The following TSNARE1 variants were observed in gnomAD, a reference collection of about 807,000 sequenced individuals.
TSNARE1 encodes the protein t-SNARE domain containing 1, also known as t-SNARE domain-containing protein 1.
A neutral mutation model predicts 62.0 loss-of-function variants in TSNARE1; 49 were observed. The observed-to-expected ratio is 0.79, with a 90% confidence interval of 0.63 to 1.00. The LOEUF (loss-of-function observed/expected upper bound fraction) is 1.00, where lower values mean the gene tolerates loss of function less well. TSNARE1 is among the 50% of genes least tolerant of loss of function. TSNARE1 has a pLI of 0.00. For synonymous variants in TSNARE1, 328 were observed against 294.4 expected (o/e 1.11, Z -1.17); for missense variants, 755 against 700.1 (o/e 1.08, Z -0.88).
At position 142,352,247 on chromosome 8, in the gene TSNARE1, C is replaced by T. The variant is rs550623118; in HGVS notation, c.88+2390G>A. On this transcript the variant is annotated intron_variant, in intron 2 of 13. Coordinates refer to ENST00000524325, the MANE Select transcript of TSNARE1 (RefSeq NM_145003.5). ...AAAGCAGACAAACAGTGCTCACTGGCAGGAAGACCCACATGCCCAATAAAC... is the reference window on the plus strand; with the variant it reads ...AAAGCAGACAAACAGTGCTCACTGGTAGGAAGACCCACATGCCCAATAAAC... Among the ~76,000 whole-genome samples, 5 of 152,340 alleles carry T rather than the reference C, an allele frequency of 3.3e-5. No homozygotes were observed. In the East Asian group the frequency reaches 9.7e-4, roughly 29 times the overall value.
chr8:142,222,472 C>CCACT (rs1431020049), intron 13 of TSNARE1, among the ~76,000 whole-genome samples: 2 of 34,102 alleles, frequency 5.9e-5, no homozygotes, highest in Non-Finnish European at 1.2e-4. Context: ...ATCCACTCAT[C>CCACT]CACTCACTCA....
At chr8:142,265,159 A>G (rs967096066) in intron 12 of TSNARE1, among the ~76,000 whole-genome samples, 1 of 139,162 alleles carries the variant, frequency 7.2e-6, no homozygotes, top group Non-Finnish European at 1.6e-5. Context: ...ATTTTATCAC[A>G]TATGTAGATT....
rs867982859 is a variant in TSNARE1, at chr8:142,349,242, T to C, written c.89-3350A>G. ...AACTGGAAAAAAGTACATCTGAAAA[T>C]GATGAAGTAAACTTCCAAGTAATTC... On this transcript the variant is annotated intron_variant, in intron 2 of 13. Coordinates refer to ENST00000524325, the MANE Select transcript of TSNARE1 (RefSeq NM_145003.5). Among the ~76,000 whole-genome samples, 9 of 152,120 alleles carry C rather than the reference T, an allele frequency of 5.9e-5. No individual in the cohort carries two copies. The South Asian group carries it at 6.2e-4, about 11-fold the overall frequency.
Position 142,343,337 on chromosome 8 carries a change from C to T in TSNARE1, c.745+629G>A, listed in dbSNP as rs150820548. On this transcript the variant is annotated intron_variant, in intron 4 of 13. Transcript: ENST00000524325. ...GTCAGAAAACCAGTTTAGTAAGTTGCAATCAGCTTTTTCTTTCATGAGTAG... is the reference window on the plus strand; with the variant it reads ...GTCAGAAAACCAGTTTAGTAAGTTGTAATCAGCTTTTTCTTTCATGAGTAG... Among the ~76,000 whole-genome samples the T allele has an allele frequency of 3.4e-4, 52 of 152,216 alleles. No homozygotes were observed. In the East Asian group the frequency reaches 8.9e-3, roughly 26 times the overall value.
chr8:142,277,756 C>T (rs1260748569), intron 11 of TSNARE1: 43 of 985,296 alleles, frequency 4.4e-5, no homozygotes, highest in Non-Finnish European at 5.2e-5. Context: ...GGCTGATCCA[C>T]CAGGGGTCAC....
chr8:142,258,025 A>G (rs1391987385), intron 12 of TSNARE1, among the ~76,000 whole-genome samples: 1 of 152,128 alleles, frequency 6.6e-6, no homozygotes, highest in Non-Finnish European at 1.5e-5. Context: ...GTGCTTATAC[A>G]CACATGCACA....
At chr8:142,289,687 G>A (rs961407855) in intron 10 of TSNARE1, among the ~76,000 whole-genome samples, 1 of 152,224 alleles carries the variant, frequency 6.6e-6, no homozygotes, top group African/African-American at 2.4e-5. Context: ...CTGCATAGGA[G>A]CTTCCTGAAG....
intron 12 of TSNARE1, among the ~76,000 whole-genome samples, chr8:142,248,105 C>T (rs76508492): frequency 0.046 from 7,057 of 152,216 alleles, 175 homozygotes; most frequent in South Asian, 0.073. Context: ...GACCAAGGCC[C>T]TTACAAGGCT....
At chr8:142,280,681 G>C (rs1821275830) in intron 11 of TSNARE1, among the ~76,000 whole-genome samples, 1 of 152,188 alleles carries the variant, frequency 6.6e-6, no homozygotes, top group South Asian at 2.1e-4. Flanking sequence ...CACTGGGACT[G>C]GGTGGGCACC....
chr8:142,277,085 A>C (rs1322473657), intron 11 of TSNARE1: 1 of 985,154 alleles, frequency 1.0e-6, no homozygotes, highest in Non-Finnish European at 1.2e-6. Context: ...ATACCTCATC[A>C]GCCATCAGCC....
intron 12 of TSNARE1, among the ~76,000 whole-genome samples, chr8:142,258,587 T>G (rs554330034): frequency 6.6e-6 from 1 of 151,562 alleles, no homozygotes; most frequent in East Asian, 2.0e-4. Context: ...GTTCAAGCCA[T>G]TCTCATGCCT....
intron 10 of TSNARE1, among the ~76,000 whole-genome samples, chr8:142,290,885 C>T (rs1256075848): frequency 1.3e-5 from 2 of 152,134 alleles, no homozygotes; most frequent in Non-Finnish European, 2.9e-5. Context: ...CAGGTGATGC[C>T]CACTCAGGAG....
chr8:142,315,046 G>GT lies in TSNARE1; in HGVS notation c.1030dup (p.Thr344AsnfsTer33). On this transcript the variant is annotated frameshift_variant, in exon 8 of 14. Transcript: ENST00000524325. LOFTEE classifies it high-confidence loss of function. ...GCACTGAATGGCATCTGAGAGCTGG[G>GT]TTTTCAGCCGGTCCAGCTGAGGACG... 1.2e-6 allele frequency: 2 copies of GT among 1,614,136 alleles called. No homozygotes were observed. Among genetic ancestry groups the GT allele is most frequent in the Non-Finnish European group, 1.7e-6 (2 of 1,180,032 alleles).
intron 11 of TSNARE1, chr8:142,278,723 C>T (rs1298965624): frequency 6.1e-6 from 6 of 985,274 alleles, no homozygotes; most frequent in African/African-American, 3.5e-5. Flanking sequence ...CTGGAGTGGG[C>T]CCGTGGGCTC....
intron 1 of TSNARE1, among the ~76,000 whole-genome samples, chr8:142,390,233 G>T (rs997708223): frequency 1.3e-5 from 2 of 152,178 alleles, no homozygotes; most frequent in African/African-American, 4.8e-5. Flanking sequence ...TACACTTTGG[G>T]GGACTTTATA....
chr8:142,347,765 G>A (rs370803155), intron 2 of TSNARE1, among the ~76,000 whole-genome samples: 3 of 59,126 alleles, frequency 5.1e-5, no homozygotes, highest in Non-Finnish European at 3.5e-5. Flanking sequence ...CACTGCATCC[G>A]CTCACCCAAG....
chr8:142,213,852 C>T (rs987708787), intron 13 of TSNARE1, among the ~76,000 whole-genome samples: 4 of 152,104 alleles, frequency 2.6e-5, no homozygotes, highest in African/African-American at 4.8e-5. Flanking sequence ...GCCAAGGCAC[C>T]TGGTGCTGTG....
intron 12 of TSNARE1, among the ~76,000 whole-genome samples, chr8:142,268,979 A>G (rs966560001): frequency 9.2e-5 from 14 of 152,266 alleles, no homozygotes; most frequent in Non-Finnish European, 1.5e-5. Flanking sequence ...CTGATTTTTA[A>G]CTGATACACA....
At chr8:142,332,328 C>G (rs1380739244) in intron 4 of TSNARE1, among the ~76,000 whole-genome samples, 1 of 152,158 alleles carries the variant, frequency 6.6e-6, no homozygotes, top group African/African-American at 2.4e-5. Context: ...GAAAAGGCCA[C>G]ACGCCGCACG....
Sources: allele counts gnomAD v4.1 joint callset (sites outside exome capture counted in the v4.1 genomes callset), GRCh38; gene constraint gnomAD v4.1.1; transcripts MANE v1.5; gene names NCBI Gene and HGNC (gene_info 2026-07-23, HGNC 2026-07-21).